Variants in FAM168A observed in about 807,000 individuals in gnomAD.
FAM168A encodes protein FAM168A.
Under a neutral mutation model 28.5 loss-of-function variants are expected in FAM168A, and 3 were observed. The ratio of observed to expected loss-of-function variants is 0.11; its 90% CI spans 0.05 to 0.27. The LOEUF (loss-of-function observed/expected upper bound fraction) is 0.27, where lower values mean the gene tolerates loss of function less well. FAM168A is among the 10% of genes least tolerant of loss of function. FAM168A has a pLI of 1.00. For missense variants in FAM168A, 222 were observed against 311.5 expected (o/e 0.71, Z 2.16); for synonymous variants, 122 against 124.2 (o/e 0.98, Z 0.12).
At chr11:73,563,071 T>C (rs921799578) in intron 1 of FAM168A, among the ~76,000 whole-genome samples, 3 of 152,226 alleles carry the variant, frequency 2.0e-5, no homozygotes, top group Non-Finnish European at 4.4e-5. Context: ...AATGGATTAG[T>C]GAAGTCAATT....
At chr11:73,506,916 TCA>T (rs1855126905) in intron 1 of FAM168A, among the ~76,000 whole-genome samples, 1 of 152,304 alleles carries the variant, frequency 6.6e-6, no homozygotes, top group Admixed American at 6.5e-5. Context: ...TATAATCATT[TCA>T]GAGTTAAGTT....
At chr11:73,588,089 T>C (rs554418757) in intron 1 of FAM168A, among the ~76,000 whole-genome samples, 123 of 152,258 alleles carry the variant, frequency 8.1e-4, no homozygotes, top group Middle Eastern at 3.4e-3. Flanking sequence ...GGTACAAGAA[T>C]TGTCTCAAAG....
chr11:73,521,722 T>C (rs1246581812), intron 1 of FAM168A, among the ~76,000 whole-genome samples: 2 of 152,168 alleles, frequency 1.3e-5, no homozygotes, highest in Non-Finnish European at 2.9e-5. Flanking sequence ...GACAATCTAG[T>C]ATTTGATGTA....
At chr11:73,508,559 G>A (rs1855160022) in intron 1 of FAM168A, among the ~76,000 whole-genome samples, 1 of 152,162 alleles carries the variant, frequency 6.6e-6, no homozygotes. Context: ...ATGCGTGGGT[G>A]CGTGTGTGTG....
At position 73,401,312 on chromosome 11, in the gene FAM168A, AGGCCCTTGG is replaced by A. The variant is rs1437132821; in HGVS notation, c.*5442_*5450del. 1 of 152,216 alleles carries A rather than the reference AGGCCCTTGG, an allele frequency of 6.6e-6. No homozygotes were observed. Among genetic ancestry groups the A allele is most frequent in the African/African-American group, 2.4e-5 (1 of 41,444 alleles). The allele number at this position is 152,216 out of a possible 1,614,324, so 9.4% of individuals were successfully genotyped here. The stretch of plus-strand genomic sequence containing the variant: ...GATGCCTTTAAGTCAGGATGGGGAC[AGGCCCTTGG>A]GCCTTTCAAGATTATTACAGACAAC... On this transcript the variant is annotated 3_prime_UTR_variant, in exon 8 of 8. Coordinates refer to ENST00000356467, the MANE Select transcript of FAM168A (RefSeq NM_015159.3).
chr11:73,413,346 T>G (rs771658966), intron 4 of FAM168A, among the ~76,000 whole-genome samples: 8 of 152,148 alleles, frequency 5.3e-5, no homozygotes, highest in African/African-American at 9.7e-5. Context: ...AAAGTACATA[T>G]GAAAGAGAGG....
intron 1 of FAM168A, among the ~76,000 whole-genome samples, chr11:73,564,477 G>A (rs969714327): frequency 7.3e-5 from 11 of 151,686 alleles, no homozygotes; most frequent in African/African-American, 2.2e-4. Context: ...AGTGGCTCAC[G>A]CCTATAATCC....
rs918564469 is a variant in FAM168A at position 73,459,879 on chromosome 11, A to ATTTT, written c.70+8522_70+8525dup. On this transcript the variant is annotated intron_variant, in intron 2 of 7. Coordinates refer to ENST00000356467, the MANE Select transcript of FAM168A (RefSeq NM_015159.3). ...CAGTCACAACAGATAATCCAAATGA[A>ATTTT]TTTTTTTTTTTTTTTTTTTTTTTGA... 9.3e-3 allele frequency among the ~76,000 whole-genome samples: 1,004 copies of ATTTT among 108,418 alleles called. 62 individuals carry two copies. The highest frequency in any genetic ancestry group is 0.035 in the African/African-American group (887 of 24,986). The allele number at this position is 108,418 out of a possible 152,430, so 71.1% of individuals were successfully genotyped here.
intron 1 of FAM168A, among the ~76,000 whole-genome samples, chr11:73,556,521 G>A (rs1943891844): frequency 1.3e-5 from 2 of 151,886 alleles, no homozygotes; most frequent in Non-Finnish European, 2.9e-5. Context: ...GATCGAATGG[G>A]GATTGTCAGG....
intron 1 of FAM168A, among the ~76,000 whole-genome samples, chr11:73,499,368 G>A (rs2134621121): frequency 6.6e-6 from 1 of 152,176 alleles, no homozygotes; most frequent in South Asian, 2.1e-4. Flanking sequence ...CCCCATCCAA[G>A]AGTCAGCAGC....
In FAM168A at chr11:73,411,552, A is replaced by G; in HGVS notation, c.278-16T>C. 4 of 1,613,940 alleles carry G rather than the reference A, an allele frequency of 2.5e-6. No homozygotes were observed. Among genetic ancestry groups the G allele is most frequent in the Non-Finnish European group, 3.4e-6 (4 of 1,179,970 alleles). On this transcript the variant is annotated splice_polypyrimidine_tract_variant and intron_variant, in intron 4 of 7. Transcript: ENST00000356467. ...GCAGTATATCCTGTACCAAGGCAAT[A>G]AGAGAGACTTCCAGTTAGTTGGCAG... is the stretch of plus-strand genomic sequence containing the variant.
chr11:73,479,434 G>T (rs1867937433), intron 1 of FAM168A, among the ~76,000 whole-genome samples: 1 of 152,160 alleles, frequency 6.6e-6, no homozygotes, highest in Non-Finnish European at 1.5e-5. Context: ...ATTCTACAGA[G>T]AGAGGAGGAA....
In FAM168A at chr11:73,566,202, T is replaced by C. The variant is rs549689504; in HGVS notation, c.-19+31721A>G. ...AGCCAAGCTGAATTTACACTTACAC[T>C]GGGATGTTAGCATTTTTCCCTAAAT... On this transcript the variant is annotated intron_variant, in intron 1 of 7. Coordinates refer to ENST00000356467, the MANE Select transcript of FAM168A (RefSeq NM_015159.3). Among the ~76,000 whole-genome samples, 60 of 152,372 alleles carry C rather than the reference T, an allele frequency of 3.9e-4. 1 individual carries two copies. Among genetic ancestry groups the C allele is most frequent in the African/African-American group, 1.4e-3 (59 of 41,588 alleles).
At chr11:73,488,907 G>C (rs1868090910) in intron 1 of FAM168A, among the ~76,000 whole-genome samples, 1 of 151,744 alleles carries the variant, frequency 6.6e-6, no homozygotes, top group Non-Finnish European at 1.5e-5. Context: ...TTTTTTTCTT[G>C]AGACGGAGTC....
intron 2 of FAM168A, among the ~76,000 whole-genome samples, chr11:73,464,772 T>C (rs1278972158): frequency 3.3e-5 from 5 of 152,216 alleles, no homozygotes; most frequent in Admixed American, 2.6e-4. Flanking sequence ...CTAATTGTGT[T>C]TTGGAAACTT....
intron 2 of FAM168A, among the ~76,000 whole-genome samples, chr11:73,456,055 C>T (rs1008495259): frequency 1.3e-5 from 2 of 152,212 alleles, no homozygotes; most frequent in Admixed American, 6.5e-5. Context: ...TTTGACCTCT[C>T]TGCATCAGTT....
intron 1 of FAM168A, among the ~76,000 whole-genome samples, chr11:73,546,799 G>C (rs529917385): frequency 6.6e-6 from 1 of 150,942 alleles, no homozygotes; most frequent in African/African-American, 2.4e-5. Context: ...TCTATATCTC[G>C]ACTGTGGTGT....
At chr11:73,572,574 A>C (rs1272652307) in intron 1 of FAM168A, among the ~76,000 whole-genome samples, 1 of 149,918 alleles carries the variant, frequency 6.7e-6, no homozygotes, top group East Asian at 1.9e-4. Flanking sequence ...CTATGACCTT[A>C]CCCCCAACCC....
intron 2 of FAM168A, among the ~76,000 whole-genome samples, chr11:73,437,452 A>T (rs1211359251): frequency 7.5e-6 from 1 of 132,486 alleles, no homozygotes; most frequent in Non-Finnish European, 1.6e-5. Context: ...CGCCCAATCT[A>T]AAGTGCAGTG....
Sources: allele counts gnomAD v4.1 joint callset (sites outside exome capture counted in the v4.1 genomes callset), GRCh38; gene constraint gnomAD v4.1.1; transcripts MANE v1.5; gene names NCBI Gene and HGNC (gene_info 2026-07-23, HGNC 2026-07-21).